The following CMTM7 variants were observed in gnomAD, a reference collection of about 807,000 sequenced individuals.
CMTM7 encodes CKLF like MARVEL transmembrane domain containing 7.
Under a neutral mutation model 19.3 loss-of-function variants are expected in CMTM7, and 7 were observed. The observed-to-expected ratio is 0.36, with a 90% CI of 0.21 to 0.68. CMTM7 has a LOEUF of 0.68. Among genes scored for constraint, CMTM7 ranks in the 30% least tolerant of loss-of-function variants. CMTM7 has a pLI of 0.60. For synonymous variants in CMTM7, 87 were observed against 99.3 expected, an observed-to-expected ratio of 0.88 and a Z score of 0.74; for missense variants, 193 against 232.6, an observed-to-expected ratio of 0.83 and a Z score of 1.11.
At chr3:32,447,137 G>A (rs1275886227) in intron 2 of CMTM7, among the ~76,000 whole-genome samples, 3 of 151,666 alleles carry the variant, frequency 2.0e-5, no homozygotes, top group Non-Finnish European at 4.4e-5. Context: ...ACATCTCCAG[G>A]TATTTTCTGA....
chr3:32,409,365 C>T (rs951178563), intron 1 of CMTM7, among the ~76,000 whole-genome samples: 1 of 152,008 alleles, frequency 6.6e-6, no homozygotes, highest in African/African-American at 2.4e-5. Context: ...GAGTTGCAGA[C>T]ATCATGCTCT....
chr3:32,426,487 CAA>C (rs1696435188), intron 1 of CMTM7, among the ~76,000 whole-genome samples: 1 of 152,136 alleles, frequency 6.6e-6, no homozygotes, highest in African/African-American at 2.4e-5. Context: ...CCATGACCCC[CAA>C]AGAGTCACAG....
At chr3:32,409,551 C>T (rs1696142106) in intron 1 of CMTM7, among the ~76,000 whole-genome samples, 1 of 152,108 alleles carries the variant, frequency 6.6e-6, no homozygotes, top group African/African-American at 2.4e-5. Flanking sequence ...GGATCCCATC[C>T]CAGATCATAA....
intron 1 of CMTM7, among the ~76,000 whole-genome samples, chr3:32,431,511 G>A (rs1696518422): frequency 6.6e-6 from 1 of 152,112 alleles, no homozygotes; most frequent in Non-Finnish European, 1.5e-5. Context: ...GAGGGAATCT[G>A]AGGCAGTGTT....
intron 1 of CMTM7, among the ~76,000 whole-genome samples, chr3:32,400,164 CA>C (rs1695979243): frequency 6.6e-6 from 1 of 150,888 alleles, no homozygotes; most frequent in African/African-American, 2.4e-5. Context: ...GGATTACAGC[CA>C]TGTGCCACCA....
chr3:32,421,165 C>A (rs1575116015), intron 1 of CMTM7, among the ~76,000 whole-genome samples: 2 of 152,160 alleles, frequency 1.3e-5, no homozygotes, highest in South Asian at 4.1e-4. Flanking sequence ...AAACTGACTT[C>A]TGTGTCTTTT....
intron 1 of CMTM7, among the ~76,000 whole-genome samples, chr3:32,394,523 C>T (rs771023288): frequency 6.6e-6 from 1 of 152,162 alleles, no homozygotes; most frequent in Non-Finnish European, 1.5e-5. Context: ...TTGGCCTCTT[C>T]TGGGTCCACC....
chr3:32,439,183 A>G (rs1696641738), intron 1 of CMTM7, among the ~76,000 whole-genome samples: 1 of 152,220 alleles, frequency 6.6e-6, no homozygotes, highest in Non-Finnish European at 1.5e-5. Context: ...AGAGGAACCG[A>G]AAAAATGAAA....
intron 2 of CMTM7, among the ~76,000 whole-genome samples, chr3:32,442,955 C>T (rs1382240171): frequency 6.6e-6 from 1 of 152,156 alleles, no homozygotes; most frequent in Non-Finnish European, 1.5e-5. Flanking sequence ...CCTAAGCAAT[C>T]ACTAATCTTC....
In CMTM7 at chr3:32,414,369, C is replaced by T. The variant is rs143830751; in HGVS notation, c.159+22304C>T. ...CTGTTTGGTGCAAGTCTCTGCTCGTCCCCTCATCTTTGACATTTCTTACTA... is the reference window on the plus strand; with the variant it reads ...CTGTTTGGTGCAAGTCTCTGCTCGTTCCCTCATCTTTGACATTTCTTACTA... On this transcript the variant is annotated intron_variant, in intron 1 of 4. Coordinates refer to ENST00000334983, the MANE Select transcript of CMTM7 (RefSeq NM_138410.4). Among the ~76,000 whole-genome samples, 340 of 152,310 alleles carry T rather than the reference C, an allele frequency of 2.2e-3. 1 individual carries two copies. The highest frequency in any genetic ancestry group is 8.1e-3 in the African/African-American group (336 of 41,562).
intron 2 of CMTM7, among the ~76,000 whole-genome samples, chr3:32,448,439 G>A (rs1010508261): frequency 6.6e-6 from 1 of 152,222 alleles, no homozygotes; most frequent in Admixed American, 6.5e-5. Context: ...AGAACTTCAT[G>A]AAGGAATGAT....
intron 1 of CMTM7, among the ~76,000 whole-genome samples, chr3:32,412,140 C>T (rs1217152733): frequency 6.6e-6 from 1 of 152,120 alleles, no homozygotes; most frequent in Non-Finnish European, 1.5e-5. Context: ...CTCGTAGAAG[C>T]TGCTGGAGGA....
intron 1 of CMTM7, among the ~76,000 whole-genome samples, chr3:32,427,006 A>T (rs549553158): frequency 2.0e-4 from 31 of 152,360 alleles, no homozygotes; most frequent in African/African-American, 7.5e-4. Context: ...TTACCCTCAT[A>T]ACTTCCTAAT....
intron 1 of CMTM7, among the ~76,000 whole-genome samples, chr3:32,404,041 A>G (rs923931938): frequency 3.9e-5 from 6 of 152,134 alleles, no homozygotes; most frequent in Non-Finnish European, 8.8e-5. Flanking sequence ...TTCCTCCAGG[A>G]AGGACTGGGA....
intron 1 of CMTM7, among the ~76,000 whole-genome samples, chr3:32,409,348 TGA>T (rs1210113079): frequency 6.6e-6 from 1 of 152,202 alleles, no homozygotes; most frequent in Middle Eastern, 3.2e-3. Context: ...TGGAACCATT[TGA>T]GAGTGAGTTG....
intron 1 of CMTM7, among the ~76,000 whole-genome samples, chr3:32,397,260 C>G (rs1179246680): frequency 7.1e-6 from 1 of 140,412 alleles, no homozygotes; most frequent in Non-Finnish European, 1.6e-5. Context: ...CAAAAGCTTG[C>G]GATCAGCTTG....
rs531740377 is a variant in CMTM7, at chr3:32,407,173, T to C, written c.159+15108T>C. On this transcript the variant is annotated intron_variant, in intron 1 of 4. Coordinates refer to ENST00000334983, the MANE Select transcript of CMTM7 (RefSeq NM_138410.4). Reference sequence around the variant, plus strand: ...GCCAAGGCTTTAAGCTGTTGTACTTTGGGGACATACAAATCTGACCGCACC... The same window carrying C: ...GCCAAGGCTTTAAGCTGTTGTACTTCGGGGACATACAAATCTGACCGCACC... 3.9e-5 allele frequency among the ~76,000 whole-genome samples: 6 copies of C among 152,274 alleles called. No individual in the cohort carries two copies. The East Asian group carries it at 1.2e-3, about 30-fold the overall frequency.
chr3:32,443,664 A>G (rs534269150), intron 2 of CMTM7, among the ~76,000 whole-genome samples: 34 of 152,296 alleles, frequency 2.2e-4, no homozygotes, highest in Admixed American at 3.3e-4. Flanking sequence ...AAAGTGGCTC[A>G]CTGTTTTACA....
At position 32,392,072 on chromosome 3, in the gene CMTM7, G is replaced by T. The variant is rs1156402552; in HGVS notation, c.159+7G>T. 8.1e-7 allele frequency: 1 copy of T among 1,233,356 alleles called. No homozygotes were observed. Among genetic ancestry groups the T allele is most frequent in the Middle Eastern group, 2.9e-4 (1 of 3,484 alleles). The allele number at this position is 1,233,356 out of a possible 1,614,324, so 76.4% of individuals were successfully genotyped here. ...GCTGAAAGTGGCGCAAATGGTAAGT[G>T]AGCGCGGGGCGCGAGGCCGAGGTTC... On this transcript the variant is annotated splice_region_variant and intron_variant, in intron 1 of 4. Coordinates refer to ENST00000334983, the MANE Select transcript of CMTM7 (RefSeq NM_138410.4).
Sources: allele counts gnomAD v4.1 joint callset (sites outside exome capture counted in the v4.1 genomes callset), GRCh38; gene constraint gnomAD v4.1.1; transcripts MANE v1.5; gene names NCBI Gene and HGNC (gene_info 2026-07-23, HGNC 2026-07-21).